The following BMPR1A variants were observed in gnomAD, a reference collection of about 807,000 sequenced individuals.
BMPR1A encodes bone morphogenetic protein receptor type 1A, also known as bone morphogenetic protein receptor type-1A.
In BMPR1A, 7 loss-of-function variants were observed where a neutral mutation model predicts 66.0. The ratio of observed to expected loss-of-function variants is 0.11; its 90% CI spans 0.06 to 0.20. BMPR1A has a LOEUF of 0.20. Ranked by LOEUF, BMPR1A falls within the 10% of genes least tolerant of loss-of-function variation. The probability of loss-of-function intolerance (pLI) is 1.00; values close to 1 mark genes in which losing one functional copy is unlikely to be tolerated. For missense variants in BMPR1A, 408 were observed against 669.1 expected (o/e 0.61, Z 4.31); for synonymous variants, 200 against 229.7 (o/e 0.87, Z 1.17).
chr10:86,817,415 C>T (rs1038103023), intron 1 of BMPR1A, among the ~76,000 whole-genome samples: 4 of 152,162 alleles, frequency 2.6e-5, no homozygotes, highest in Non-Finnish European at 5.9e-5. Flanking sequence ...TGGCATGTCT[C>T]AGAATTTCCC....
chr10:86,821,694 T>G (rs904223282), intron 1 of BMPR1A, among the ~76,000 whole-genome samples: 6 of 152,212 alleles, frequency 3.9e-5, no homozygotes, highest in Non-Finnish European at 5.9e-5. Flanking sequence ...ATGATCATGT[T>G]GTTACCTCTC....
intron 3 of BMPR1A, among the ~76,000 whole-genome samples, chr10:86,885,144 A>ATT (rs2133371783): frequency 6.6e-6 from 1 of 152,362 alleles, no homozygotes; most frequent in Non-Finnish European, 1.5e-5. Flanking sequence ...TTTGCAAACT[A>ATT]TAGCCCACAA....
chr10:86,786,245 A>T (rs2132739535), intron 1 of BMPR1A, among the ~76,000 whole-genome samples: 1 of 152,150 alleles, frequency 6.6e-6, no homozygotes, highest in East Asian at 1.9e-4. Context: ...TGTTTCTCTC[A>T]TCTTAAAACA....
chr10:86,866,610 A>G (rs1273930198), intron 2 of BMPR1A, among the ~76,000 whole-genome samples: 1 of 150,724 alleles, frequency 6.6e-6, no homozygotes, highest in Non-Finnish European at 1.5e-5. Context: ...GGGTTTTACT[A>G]TGTTGGCCAG....
intron 4 of BMPR1A, among the ~76,000 whole-genome samples, chr10:86,891,845 G>T (rs1843154331): frequency 1.3e-5 from 2 of 152,318 alleles, no homozygotes; most frequent in South Asian, 4.1e-4. Context: ...TGACTGATTA[G>T]CAAAGAGAAG....
chr10:86,852,550 A>C (rs1369796048), intron 2 of BMPR1A, among the ~76,000 whole-genome samples: 2 of 152,220 alleles, frequency 1.3e-5, no homozygotes, highest in South Asian at 2.1e-4. Context: ...TGGACTACAG[A>C]GCGCAAGACC....
intron 4 of BMPR1A, among the ~76,000 whole-genome samples, chr10:86,890,435 G>A (rs1374873901): frequency 6.6e-6 from 1 of 151,698 alleles, no homozygotes; most frequent in African/African-American, 2.4e-5. Flanking sequence ...ATGTTATAAT[G>A]CAGCTTTTAA....
intron 3 of BMPR1A, among the ~76,000 whole-genome samples, 170 bp from the exon 4 acceptor site, chr10:86,889,892 T>C (rs1332225548): frequency 6.6e-6 from 1 of 152,260 alleles, no homozygotes; most frequent in East Asian, 1.9e-4. Context: ...ATTCTGTGCA[T>C]AATAATGTAT....
At chr10:86,912,521 C>A in intron 8 of BMPR1A, 137 bp downstream of exon 8, 1 of 1,088,296 alleles carries the variant, frequency 9.2e-7, no homozygotes, top group Non-Finnish European at 1.4e-6. Flanking sequence ...AAGAGGTATG[C>A]AGTATTGCAA....
chr10:86,778,749 T>C (rs1841392924), intron 1 of BMPR1A, among the ~76,000 whole-genome samples: 1 of 151,964 alleles, frequency 6.6e-6, no homozygotes, highest in East Asian at 1.9e-4. Flanking sequence ...TCCCTGTCCC[T>C]CCCTTTCCTC....
At chr10:86,766,163 T>C (rs1324072719) in intron 1 of BMPR1A, among the ~76,000 whole-genome samples, 3 of 151,818 alleles carry the variant, frequency 2.0e-5, no homozygotes, top group Non-Finnish European at 4.4e-5. Context: ...ATTAAAAAAT[T>C]TTTGTGTGTG....
At chr10:86,863,615 T>A (rs1006170256) in intron 2 of BMPR1A, among the ~76,000 whole-genome samples, 1 of 152,218 alleles carries the variant, frequency 6.6e-6, no homozygotes, top group Non-Finnish European at 1.5e-5. Context: ...CTCCTGGCTC[T>A]GCCTTCTGGT....
intron 2 of BMPR1A, among the ~76,000 whole-genome samples, chr10:86,863,714 G>A (rs1346701668): frequency 6.6e-6 from 1 of 152,104 alleles, no homozygotes; most frequent in Admixed American, 6.5e-5. Flanking sequence ...TCACTGCAGG[G>A]TCAGTCAAAG....
intron 1 of BMPR1A, among the ~76,000 whole-genome samples, chr10:86,792,087 T>TA (rs1491535065): frequency 4.0e-5 from 5 of 125,564 alleles, no homozygotes; most frequent in Non-Finnish European, 8.6e-5. Flanking sequence ...TTTTTTTTTT[T>TA]AGATGGACTC....
intron 1 of BMPR1A, among the ~76,000 whole-genome samples, chr10:86,804,287 C>T (rs1841854008): frequency 6.6e-6 from 1 of 152,174 alleles, no homozygotes; most frequent in Non-Finnish European, 1.5e-5. Flanking sequence ...GTCGCCCAGG[C>T]TGAAGTGCAG....
chr10:86,803,004 CAAAAAAAAA>C (rs59957238), intron 1 of BMPR1A, among the ~76,000 whole-genome samples: 1 of 75,950 alleles, frequency 1.3e-5, no homozygotes, highest in African/African-American at 4.7e-5. Context: ...GACCCGGTCT[CAAAAAAAAA>C]AAAAAAAAAA....
At chr10:86,826,438 A>ACACACACACC (rs1753644399) in intron 1 of BMPR1A, among the ~76,000 whole-genome samples, 2 of 151,814 alleles carry the variant, frequency 1.3e-5, no homozygotes, top group African/African-American at 4.8e-5. Context: ...ACACACACAC[A>ACACACACACC]CACCCGCTTT....
At chr10:86,908,065 A>G (rs138404692) in intron 7 of BMPR1A, among the ~76,000 whole-genome samples, 5,165 of 152,214 alleles carry the variant, frequency 0.034, 198 homozygotes, top group African/African-American at 0.094. Flanking sequence ...TTAGCTGGGC[A>G]TGGTGGTGCA....
At chr10:86,833,010 T>G (rs1269654991) in intron 1 of BMPR1A, among the ~76,000 whole-genome samples, 1 of 152,142 alleles carries the variant, frequency 6.6e-6, no homozygotes. Context: ...CTCGGGAGAC[T>G]GAGGCGGGAG....
Sources: allele counts gnomAD v4.1 joint callset (sites outside exome capture counted in the v4.1 genomes callset), GRCh38; gene constraint gnomAD v4.1.1; transcripts MANE v1.5; gene names NCBI Gene and HGNC (gene_info 2026-07-23, HGNC 2026-07-21).